RSPH6A: variants seen among roughly 807,000 people sequenced by gnomAD.
The protein encoded by RSPH6A is radial spoke head protein 6 homolog A.
Under a neutral mutation model 66.1 loss-of-function variants are expected in RSPH6A, and 49 were observed. That is an observed-to-expected ratio of 0.74 (90% confidence interval 0.59 to 0.94). The LOEUF is 0.94. Among genes scored for constraint, RSPH6A ranks in the 40% least tolerant of loss-of-function variants. The probability of loss-of-function intolerance (pLI) is 0.00; values close to 1 mark genes in which losing one functional copy is unlikely to be tolerated. For missense variants in RSPH6A, 977 were observed against 948.3 expected, an observed-to-expected ratio of 1.03 and a Z score of -0.40; for synonymous variants, 419 against 402.4, an observed-to-expected ratio of 1.04 and a Z score of -0.49.
intron 4 of RSPH6A, among the ~76,000 whole-genome samples, chr19:45,801,078 G>C (rs1441414941): frequency 6.6e-6 from 1 of 152,160 alleles, no homozygotes; most frequent in African/African-American, 2.4e-5. Flanking sequence ...GATTACAGGC[G>C]TGAGCCACCT....
At chr19:45,796,516 G>A (rs561909947) in intron 5 of RSPH6A, among the ~76,000 whole-genome samples, 18 of 152,044 alleles carry the variant, frequency 1.2e-4, no homozygotes, top group Non-Finnish European at 2.5e-4. Context: ...GTTGTGGATG[G>A]CAGGGTGAAA....
At chr19:45,801,591 T>C (rs1970474524) in intron 4 of RSPH6A, among the ~76,000 whole-genome samples, 1 of 152,042 alleles carries the variant, frequency 6.6e-6, no homozygotes, top group East Asian at 1.9e-4. Context: ...TGAAACCCCA[T>C]CTCCACTAAA....
At chr19:45,801,858 G>C (rs886426658) in intron 4 of RSPH6A, among the ~76,000 whole-genome samples, 5 of 151,858 alleles carry the variant, frequency 3.3e-5, no homozygotes, top group Admixed American at 6.6e-5. Context: ...CTTTAGGCAG[G>C]GTTCCCCAAC....
rs201785727 is a variant in RSPH6A, at chr19:45,814,556, C to T, written c.621G>A (p.Leu207=). ...TGAGGTCGCAATTGATGCTGGTCTG[C>T]AGCAGGTAGGCCTTGGCGTTCTGCA... ...LAVQNAKAYL[L]QTSINCDLSL... is the part of the protein sequence containing the mutation. The change falls in exon 1 of 6, where the codon CTG becomes CTA. Residue 207 remains leucine (L), a synonymous_variant. Transcript: ENST00000221538. The T allele has an allele frequency of 6.6e-7, 1 of 1,524,144 alleles. No individual in the cohort carries two copies. The highest frequency in any genetic ancestry group is 2.1e-5 in the Admixed American group (1 of 46,632). 94.4% of individuals were successfully genotyped at this position (1,524,144 alleles called of 1,614,324 possible).
At chr19:45,808,756 G>A (rs1399715982) in intron 2 of RSPH6A, among the ~76,000 whole-genome samples, 1 of 145,964 alleles carries the variant, frequency 6.9e-6, no homozygotes, top group Non-Finnish European at 1.5e-5. Flanking sequence ...CCGCCTCCTG[G>A]GTCCATGCCA....
chr19:45,808,657 CTTTTTTTTT>C (rs60697395), intron 2 of RSPH6A, among the ~76,000 whole-genome samples: 1 of 104,226 alleles, frequency 9.6e-6, no homozygotes, highest in African/African-American at 3.9e-5. Context: ...CAAAACTTAT[CTTTTTTTTT>C]TTTTTTTTTT....
At position 45,800,553 on chromosome 19, in the gene RSPH6A, G is replaced by C; in HGVS notation, c.1809C>G (p.His603Gln). Residue 603 changes from histidine (H) to glutamine (Q), a missense_variant, in exon 5 of 6, where the codon CAC becomes CAG. Coordinates refer to ENST00000221538, the MANE Select transcript of RSPH6A (RefSeq NM_030785.4). ...ACAGGCGGGTGGTCCAGGGTGCCAG[G>C]TGCATGATTTCTGTGGTGGAGAGGC... ...TPLSEDAEIM[H>Q]LAPWTTRLSC... 1 of 1,611,680 alleles carries C rather than the reference G, an allele frequency of 6.2e-7. No homozygotes were observed. Among genetic ancestry groups the C allele is most frequent in the Non-Finnish European group, 8.5e-7 (1 of 1,179,140 alleles).
chr19:45,799,438 T>C (rs1451632723), intron 5 of RSPH6A, among the ~76,000 whole-genome samples: 4 of 152,220 alleles, frequency 2.6e-5, no homozygotes, highest in African/African-American at 9.6e-5. Flanking sequence ...CACAGCTCAC[T>C]GCAACCTCGA....
At position 45,802,272 on chromosome 19, in the gene RSPH6A, T is replaced by TG. The variant is rs1568598270; in HGVS notation, c.1654-9dup. ...CACCCAAGTGCAGCGGCCCTGGGGG[T>TG]GGGGGGAAGCTCAGGTGATGGCCCC... On this transcript the variant is annotated splice_polypyrimidine_tract_variant and intron_variant, in intron 3 of 5. Transcript: ENST00000221538. 3 of 1,366,788 alleles carry TG rather than the reference T, an allele frequency of 2.2e-6. No individual in the cohort carries two copies. The highest frequency in any genetic ancestry group is 2.7e-5 in the Admixed American group (1 of 36,936). 84.7% of individuals were successfully genotyped at this position (1,366,788 alleles called of 1,614,324 possible).
At chr19:45,814,471 G>A (rs1234312278) in intron 1 of RSPH6A, 56 bp downstream of exon 1, 9 of 1,440,798 alleles carry the variant, frequency 6.2e-6, no homozygotes, top group African/African-American at 1.4e-5. Context: ...GGCACTTCGG[G>A]TGGGGCCCCT....
chr19:45,810,517 C>T, intron 2 of RSPH6A, 86 bp downstream of exon 2: 2 of 1,280,496 alleles, frequency 1.6e-6, no homozygotes, highest in South Asian at 1.3e-5. Flanking sequence ...TGTCTTTCGC[C>T]TCCAGGCCTT....
chr19:45,799,124 C>G (rs1439953515), intron 5 of RSPH6A, among the ~76,000 whole-genome samples: 7 of 152,230 alleles, frequency 4.6e-5, no homozygotes, highest in African/African-American at 1.7e-4. Context: ...AATCCCACCA[C>G]GGCTGTGATT....
At chr19:45,813,907 T>G (rs1970662837) in intron 1 of RSPH6A, among the ~76,000 whole-genome samples, 1 of 152,028 alleles carries the variant, frequency 6.6e-6, no homozygotes, top group Non-Finnish European at 1.5e-5. Context: ...ATGCCTGCAA[T>G]CCTAGCACTT....
intron 5 of RSPH6A, among the ~76,000 whole-genome samples, chr19:45,798,647 G>A (rs899326806): frequency 2.6e-5 from 4 of 151,742 alleles, no homozygotes; most frequent in Non-Finnish European, 4.4e-5. Flanking sequence ...GACCATCCTG[G>A]CTAACACGGT....
Position 45,804,575 on chromosome 19 carries a change from C to T in RSPH6A, c.1330G>A (p.Val444Ile), listed in dbSNP as rs756241163. Residue 444 changes from valine (V) to isoleucine (I), a missense_variant, in exon 3 of 6, where the codon GTC becomes ATC. Transcript: ENST00000221538. The surrounding 1 kb of genome is among the most constrained non-coding windows in gnomAD (Gnocchi z 5.8). ...GCGTTCACGATCTGGGCTGGAGTGA[C>T]GTGGGGCAGCCGCGTCCATGGCAGG... ...PGLPWTRLPH[V>I]TPAQIVNARK... 3 of 1,614,150 alleles carry T rather than the reference C, an allele frequency of 1.9e-6. No homozygotes were observed. The highest frequency in any genetic ancestry group is 2.2e-5 in the East Asian group (1 of 44,882).
intron 1 of RSPH6A, 143 bp downstream of exon 1, chr19:45,814,384 G>T: frequency 1.5e-6 from 1 of 647,344 alleles, no homozygotes; most frequent in Non-Finnish European, 2.4e-6. Context: ...GCTGTTGTTG[G>T]CATTGATTCC....
At position 45,805,020 on chromosome 19, in the gene RSPH6A, CG is replaced by C; in HGVS notation, c.889-5del. ...TGTTGGGCACTGGTGTCTCCCCCTG[CG>C]CAGGGTAGGGTGGAGGGCAGAGGGG... On this transcript the variant is annotated splice_region_variant and splice_polypyrimidine_tract_variant and intron_variant, in intron 2 of 5. Coordinates refer to ENST00000221538, the MANE Select transcript of RSPH6A (RefSeq NM_030785.4). The C allele has an allele frequency of 6.2e-7, 1 of 1,604,388 alleles. No homozygotes were observed. Among genetic ancestry groups the C allele is most frequent in the Non-Finnish European group, 8.5e-7 (1 of 1,177,656 alleles).
At chr19:45,809,198 TCAC>T (rs1970589285) in intron 2 of RSPH6A, among the ~76,000 whole-genome samples, 1 of 149,822 alleles carries the variant, frequency 6.7e-6, no homozygotes, top group Non-Finnish European at 1.5e-5. Flanking sequence ...AGATGGGGTT[TCAC>T]TGTGTTAACC....
chr19:45,811,743 GTAT>G (rs59665443), intron 1 of RSPH6A, among the ~76,000 whole-genome samples: 15,049 of 117,738 alleles, frequency 0.13, 920 homozygotes, highest in Middle Eastern at 0.15. Flanking sequence ...GCCAACATTT[GTAT>G]TATTATTATT....
Sources: gnomAD v4.1 joint callset for allele counts (sites outside exome capture counted in the v4.1 genomes callset) on GRCh38, gnomAD v4.1.1 for gene constraint, Gnocchi (gnomAD v3.1) non-coding constraint, MANE v1.5 for transcripts, NCBI Gene and HGNC (gene_info 2026-07-23, HGNC 2026-07-21) for gene names.